Variants in LMX1A observed in about 807,000 individuals in gnomAD.
LMX1A encodes LIM homeobox transcription factor 1 alpha.
A neutral mutation model predicts 49.1 loss-of-function variants in LMX1A; 15 were observed. The observed-to-expected ratio is 0.31, with a 90% confidence interval of 0.20 to 0.47. The LOEUF is 0.47. LMX1A is among the 20% of genes least tolerant of loss of function. LMX1A has a pLI of 1.00. For missense variants in LMX1A, 372 were observed against 475.8 expected, an observed-to-expected ratio of 0.78 and a Z score of 2.03; for synonymous variants, 167 against 185.7, an observed-to-expected ratio of 0.90 and a Z score of 0.82.
chr1:165,241,071 C>T (rs1652632883), intron 4 of LMX1A, among the ~76,000 whole-genome samples: 2 of 152,182 alleles, frequency 1.3e-5, no homozygotes, highest in African/African-American at 4.8e-5. Context: ...CAGTCTTCTG[C>T]ATTGACTTTC....
At chr1:165,349,787 G>T (rs576383328) in intron 3 of LMX1A, among the ~76,000 whole-genome samples, 1 of 152,128 alleles carries the variant, frequency 6.6e-6, no homozygotes, top group Non-Finnish European at 1.5e-5. Flanking sequence ...CATTGTAAAG[G>T]TGTAATAGCT....
chr1:165,263,842 A>T (rs965902575), intron 3 of LMX1A, among the ~76,000 whole-genome samples: 9 of 152,188 alleles, frequency 5.9e-5, no homozygotes, highest in African/African-American at 2.2e-4. Context: ...TCACTGCCTA[A>T]CTTAGCTTTG....
At chr1:165,233,087 C>T (rs1652291831) in intron 4 of LMX1A, among the ~76,000 whole-genome samples, 1 of 152,214 alleles carries the variant, frequency 6.6e-6, no homozygotes, top group Non-Finnish European at 1.5e-5. Context: ...TTGTCCCATC[C>T]AAGCTTCACA....
chr1:165,230,272 A>C (rs970347788), intron 4 of LMX1A, among the ~76,000 whole-genome samples: 1 of 152,218 alleles, frequency 6.6e-6, no homozygotes, highest in African/African-American at 2.4e-5. Flanking sequence ...TCTTCTGAGA[A>C]GGTGTTTATG....
rs150338604 is a variant in LMX1A at position 165,226,552 on chromosome 1, C to T, written c.497-12739G>A. On this transcript the variant is annotated intron_variant, in intron 4 of 8. Coordinates refer to ENST00000342310, the MANE Select transcript of LMX1A (RefSeq NM_177398.4). ...TAGAGCAAGAGATTATAGGGAAGCACGGCAAACAAGAAAAAAACTTGCCAT... is the reference window on the plus strand; with the variant it reads ...TAGAGCAAGAGATTATAGGGAAGCATGGCAAACAAGAAAAAAACTTGCCAT... 3.7e-4 allele frequency among the ~76,000 whole-genome samples: 57 copies of T among 152,228 alleles called. 1 individual carries two copies. The highest frequency in any genetic ancestry group is 7.7e-4 in the East Asian group (4 of 5,168).
At chr1:165,211,055 C>T (rs377275199) in intron 5 of LMX1A, 13 of 323,748 alleles carry the variant, frequency 4.0e-5, no homozygotes, top group Admixed American at 1.8e-4. Context: ...ATTAGGCCTT[C>T]AAGTGGTTTA....
chr1:165,336,525 G>T (rs1655903649), intron 3 of LMX1A, among the ~76,000 whole-genome samples: 1 of 152,110 alleles, frequency 6.6e-6, no homozygotes, highest in Non-Finnish European at 1.5e-5. Context: ...AAGTAATGGT[G>T]CTAAGAAGCA....
At chr1:165,294,480 C>T (rs1257738102) in intron 3 of LMX1A, among the ~76,000 whole-genome samples, 1 of 152,210 alleles carries the variant, frequency 6.6e-6, no homozygotes, top group East Asian at 1.9e-4. Flanking sequence ...TATAAACCAC[C>T]ACAGCCCCTC....
At chr1:165,272,455 C>T (rs1157208067) in intron 3 of LMX1A, among the ~76,000 whole-genome samples, 3 of 152,176 alleles carry the variant, frequency 2.0e-5, no homozygotes, top group Non-Finnish European at 4.4e-5. Context: ...AAGAGACCCT[C>T]ATTGCTTCCT....
At chr1:165,315,139 A>G (rs886316422) in intron 3 of LMX1A, among the ~76,000 whole-genome samples, 2 of 152,154 alleles carry the variant, frequency 1.3e-5, no homozygotes, top group Non-Finnish European at 2.9e-5. Context: ...CTCTATCTTC[A>G]TCTTTCCCTT....
At chr1:165,295,814 G>A (rs1654599529) in intron 3 of LMX1A, among the ~76,000 whole-genome samples, 1 of 152,126 alleles carries the variant, frequency 6.6e-6, no homozygotes, top group East Asian at 1.9e-4. Context: ...ACCTCCCAGA[G>A]GCAGACAGGA....
intron 3 of LMX1A, among the ~76,000 whole-genome samples, chr1:165,319,347 TAA>T (rs1655315396): frequency 6.6e-6 from 1 of 152,238 alleles, no homozygotes; most frequent in East Asian, 1.9e-4. Context: ...TATTAAAGTA[TAA>T]GAGACACAAG....
chr1:165,277,227 G>A (rs1181377594), intron 3 of LMX1A, among the ~76,000 whole-genome samples: 6 of 152,204 alleles, frequency 3.9e-5, no homozygotes, highest in African/African-American at 1.4e-4. Flanking sequence ...TGCAGGGCGA[G>A]CCAGAGTAGG....
At chr1:165,214,381 C>T (rs914280028) in intron 4 of LMX1A, among the ~76,000 whole-genome samples, 5 of 152,184 alleles carry the variant, frequency 3.3e-5, no homozygotes, top group Non-Finnish European at 7.3e-5. Flanking sequence ...AGCTTTTTCT[C>T]CTTATAAATT....
intron 3 of LMX1A, among the ~76,000 whole-genome samples, chr1:165,351,337 CGA>C (rs1557893423): frequency 6.6e-6 from 1 of 151,984 alleles, no homozygotes; most frequent in Non-Finnish European, 1.5e-5. Flanking sequence ...CGATGAAAAG[CGA>C]GAGAGAAAAA....
chr1:165,308,636 C>T (rs956080096), intron 3 of LMX1A, among the ~76,000 whole-genome samples: 4 of 152,232 alleles, frequency 2.6e-5, no homozygotes, highest in African/African-American at 4.8e-5. Context: ...ATAATCCCCA[C>T]TTTACAGGCA....
intron 4 of LMX1A, among the ~76,000 whole-genome samples, chr1:165,246,094 T>C (rs528926170): frequency 8.5e-5 from 13 of 152,124 alleles, no homozygotes; most frequent in Non-Finnish European, 1.9e-4. Context: ...GATCCTAAAG[T>C]TGTTTGCTTT....
intron 3 of LMX1A, among the ~76,000 whole-genome samples, chr1:165,343,555 G>A (rs918880611): frequency 1.3e-5 from 2 of 151,984 alleles, no homozygotes; most frequent in Non-Finnish European, 2.9e-5. Context: ...ACCATGGCTT[G>A]GACACCTGTT....
Position 165,272,073 on chromosome 1 carries a change from G to A in LMX1A, c.264-22433C>T, listed in dbSNP as rs142351729. 3.3e-3 allele frequency among the ~76,000 whole-genome samples: 505 copies of A among 152,076 alleles called. 5 individuals are homozygous for A. Among genetic ancestry groups the A allele is most frequent in the African/African-American group, 0.011 (462 of 41,474 alleles). ...GTGCAGGTTTGTTACATAAGTAAAC[G>A]TGTGCCATGGTGGTTTGCTGCACCT... On this transcript the variant is annotated intron_variant, in intron 3 of 8. Coordinates refer to ENST00000342310, the MANE Select transcript of LMX1A (RefSeq NM_177398.4).
Sources: allele counts gnomAD v4.1 joint callset (sites outside exome capture counted in the v4.1 genomes callset), GRCh38; gene constraint gnomAD v4.1.1; transcripts MANE v1.5; gene names NCBI Gene and HGNC (gene_info 2026-07-23, HGNC 2026-07-21).